PTPRN2: variants seen among roughly 807,000 people sequenced by gnomAD.
The protein encoded by PTPRN2 is protein tyrosine phosphatase receptor type N2.
A neutral mutation model predicts 118.8 loss-of-function variants in PTPRN2; 74 were observed. That is an observed-to-expected ratio of 0.62 (90% CI 0.52 to 0.76). The LOEUF (loss-of-function observed/expected upper bound fraction) is 0.76. Ranked by LOEUF, PTPRN2 falls within the 30% of genes least tolerant of loss-of-function variation. The pLI is 0.00. For missense variants in PTPRN2, 1,481 were observed against 1,394.4 expected (o/e 1.06, Z -0.99); for synonymous variants, 641 against 608.0 (o/e 1.05, Z -0.80).
chr7:157,686,945 G>T (rs944992480), intron 12 of PTPRN2, among the ~76,000 whole-genome samples: 1 of 152,126 alleles, frequency 6.6e-6, no homozygotes, highest in African/African-American at 2.4e-5. Flanking sequence ...GATCTATCTT[G>T]AGAATAAGAT....
intron 3 of PTPRN2, among the ~76,000 whole-genome samples, chr7:158,277,883 C>T (rs1332640038): frequency 2.0e-5 from 3 of 152,170 alleles, no homozygotes; most frequent in East Asian, 3.9e-4. Context: ...TCTGGCATCA[C>T]GGCTGCGGCA....
rs375018435 is a variant in PTPRN2, at chr7:158,146,875, T to C, written c.911-8360A>G. On this transcript the variant is annotated intron_variant, in intron 6 of 22. Coordinates refer to ENST00000389418, the MANE Select transcript of PTPRN2 (RefSeq NM_002847.5). ...CAATGGATAGAACAAGCAAACAGTTTACAGGGAAAATACACCATTAAGATC... is the reference window on the plus strand; with the variant it reads ...CAATGGATAGAACAAGCAAACAGTTCACAGGGAAAATACACCATTAAGATC... Among the ~76,000 whole-genome samples the C allele has an allele frequency of 4.3e-4, 66 of 151,974 alleles. 6 individuals are homozygous for C. Among genetic ancestry groups the C allele is most frequent in the Non-Finnish European group, 8.1e-4 (55 of 67,970 alleles).
At chr7:157,981,603 GTTTAC>G (rs72385829) in intron 11 of PTPRN2, among the ~76,000 whole-genome samples, 20,309 of 151,944 alleles carry the variant, frequency 0.13, 1,487 homozygotes, top group Admixed American at 0.19. Flanking sequence ...TAGTAATTCA[GTTTAC>G]TTTATTTTAA....
At position 157,675,014 on chromosome 7, in the gene PTPRN2, T is replaced by G. The variant is rs540891076; in HGVS notation, c.2001+7711A>C. On this transcript the variant is annotated intron_variant, in intron 13 of 22. Transcript: ENST00000389418. ...CCCAGCCTTCAAGCACAGCGCCCCT[T>G]GGGTGGGACTTGCCTCTTGCTCACA... Among the ~76,000 whole-genome samples, 316 of 152,270 alleles carry G rather than the reference T, an allele frequency of 2.1e-3. 1 individual carries two copies. Among genetic ancestry groups the G allele is most frequent in the Middle Eastern group, 6.8e-3 (2 of 294 alleles).
intron 11 of PTPRN2, among the ~76,000 whole-genome samples, chr7:157,899,346 G>C (rs932264943): frequency 6.6e-6 from 1 of 152,184 alleles, no homozygotes. Context: ...AGGGAAATGA[G>C]CTCTGGAAAC....
At chr7:158,263,589 C>T (rs936451305) in intron 3 of PTPRN2, among the ~76,000 whole-genome samples, 3 of 152,256 alleles carry the variant, frequency 2.0e-5, no homozygotes, top group Non-Finnish European at 4.4e-5. Context: ...TCCCATCGCT[C>T]TGCCACAGAG....
At chr7:157,639,614 G>A (rs1160986200) in intron 14 of PTPRN2, among the ~76,000 whole-genome samples, 3 of 152,246 alleles carry the variant, frequency 2.0e-5, no homozygotes, top group African/African-American at 4.8e-5. Flanking sequence ...GGGGATGTGC[G>A]GCCTGAAGCC....
At chr7:158,056,738 C>T (rs1473220714) in intron 11 of PTPRN2, among the ~76,000 whole-genome samples, 1 of 152,188 alleles carries the variant, frequency 6.6e-6, no homozygotes, top group Non-Finnish European at 1.5e-5. Flanking sequence ...TGTTCAGTGC[C>T]TACAATCAAC....
At chr7:158,035,670 C>A (rs1450690839) in intron 11 of PTPRN2, among the ~76,000 whole-genome samples, 1 of 152,222 alleles carries the variant, frequency 6.6e-6, no homozygotes, top group African/African-American at 2.4e-5. Flanking sequence ...ACAAATGCCT[C>A]TCATTAGAAA....
At chr7:158,286,687 A>C (rs1215919661) in intron 3 of PTPRN2, among the ~76,000 whole-genome samples, 3 of 152,174 alleles carry the variant, frequency 2.0e-5, no homozygotes, top group Admixed American at 2.0e-4. Flanking sequence ...ATCCTTGCAT[A>C]CCAGGGATAA....
chr7:157,952,537 T>C (rs986444598), intron 11 of PTPRN2, among the ~76,000 whole-genome samples: 8 of 151,858 alleles, frequency 5.3e-5, no homozygotes, highest in Non-Finnish European at 5.9e-5. Flanking sequence ...GGGTAGGTGA[T>C]AGGCTGGCTC....
At chr7:158,311,822 C>A (rs2151076137) in intron 3 of PTPRN2, among the ~76,000 whole-genome samples, 1 of 151,578 alleles carries the variant, frequency 6.6e-6, no homozygotes. Context: ...TGTAGACACC[C>A]ACACACATGC....
Position 157,611,038 on chromosome 7 carries a change from C to T in PTPRN2, c.2345-6963G>A, listed in dbSNP as rs1802299451. Among the ~76,000 whole-genome samples, 1 of 152,234 alleles carries T rather than the reference C, an allele frequency of 6.6e-6. No individual in the cohort carries two copies. Among genetic ancestry groups the T allele is most frequent in the South Asian group, 2.1e-4 (1 of 4,834 alleles). On this transcript the variant is annotated intron_variant, in intron 15 of 22. Transcript: ENST00000389418. The surrounding 1 kb of genome is among the most constrained non-coding windows in gnomAD (Gnocchi z 5.9). ...GTCATGAAAATGAGACCTGCCCCAC[C>T]CACCACTCAGGAGGCACGCTGCCCA...
intron 12 of PTPRN2, among the ~76,000 whole-genome samples, chr7:157,891,985 T>C (rs1763067872): frequency 6.6e-6 from 1 of 152,250 alleles, no homozygotes; most frequent in African/African-American, 2.4e-5. Flanking sequence ...CTCCTGAGCC[T>C]GCAGGGGCTC....
Position 157,764,473 on chromosome 7 carries a change from A to G in PTPRN2, c.1789-81536T>C, listed in dbSNP as rs1802330548. ...GATGTTATGCTAAGTGAAATAAGCC[A>G]GTCACAATATGATAAACACTGTGTG... is the stretch of plus-strand genomic sequence containing the variant. On this transcript the variant is annotated intron_variant, in intron 12 of 22. Coordinates refer to ENST00000389418, the MANE Select transcript of PTPRN2 (RefSeq NM_002847.5). This position sits in a 1 kb window ranked among gnomAD's most constrained non-coding sequence, Gnocchi z 4.5. Among the ~76,000 whole-genome samples, 1 of 152,238 alleles carries G rather than the reference A, an allele frequency of 6.6e-6. No homozygotes were observed. Among genetic ancestry groups the G allele is most frequent in the African/African-American group, 2.4e-5 (1 of 41,468 alleles).
intron 11 of PTPRN2, among the ~76,000 whole-genome samples, chr7:158,056,563 G>A (rs1585290818): frequency 6.6e-6 from 1 of 152,222 alleles, no homozygotes; most frequent in South Asian, 2.1e-4. Flanking sequence ...TTGACGATGG[G>A]ATGTTTTCGT....
At chr7:158,286,478 T>C (rs191087490) in intron 3 of PTPRN2, among the ~76,000 whole-genome samples, 1 of 152,370 alleles carries the variant, frequency 6.6e-6, no homozygotes, top group Admixed American at 6.5e-5. Context: ...TATGATGTTA[T>C]CTGTGAGTTT....
At position 157,785,136 on chromosome 7, in the gene PTPRN2, AC is replaced by A. The variant is rs1321701386; in HGVS notation, c.1789-102200del. Reference sequence around the variant, plus strand: ...TGTTGGCACAGCGGCGAGAAGGCTGACCGAACACCGAGAAGCAGCCAGCACA... The same window carrying A: ...TGTTGGCACAGCGGCGAGAAGGCTGACGAACACCGAGAAGCAGCCAGCACA... On this transcript the variant is annotated intron_variant, in intron 12 of 22. Transcript: ENST00000389418. The surrounding 1 kb of genome is among the most constrained non-coding windows in gnomAD (Gnocchi z 7.3). Among the ~76,000 whole-genome samples the A allele has an allele frequency of 6.6e-6, 1 of 151,924 alleles. No individual in the cohort carries two copies. Among genetic ancestry groups the A allele is most frequent in the African/African-American group, 2.4e-5 (1 of 41,366 alleles).
In PTPRN2 at chr7:157,663,683, G is replaced by A. The variant is rs568290536; in HGVS notation, c.2002-7132C>T. On this transcript the variant is annotated intron_variant, in intron 13 of 22. Transcript: ENST00000389418. ...CCCTGGACACTCTTGGGAATCTCCA[G>A]ACGTGGGGGAAGCCAGGAAGGAGCC... Among the ~76,000 whole-genome samples, 9 of 152,318 alleles carry A rather than the reference G, an allele frequency of 5.9e-5. No individual in the cohort carries two copies. In the South Asian group the frequency reaches 1.7e-3, roughly 28 times the overall value.
Sources: allele counts gnomAD v4.1 joint callset (sites outside exome capture counted in the v4.1 genomes callset), GRCh38; gene constraint gnomAD v4.1.1; non-coding constraint Gnocchi (gnomAD v3.1); transcripts MANE v1.5; gene names NCBI Gene and HGNC (gene_info 2026-07-23, HGNC 2026-07-21).